Variants in ARHGAP19 observed in about 807,000 individuals in gnomAD.
ARHGAP19 encodes rho GTPase-activating protein 19.
A neutral mutation model predicts 60.9 loss-of-function variants in ARHGAP19; 48 were observed. That is an observed-to-expected ratio of 0.79 (90% CI 0.62 to 1.00). The LOEUF (loss-of-function observed/expected upper bound fraction) is 1.00. Among genes scored for constraint, ARHGAP19 ranks in the 50% least tolerant of loss-of-function variants. The probability of loss-of-function intolerance (pLI) is 0.00; values close to 1 mark genes in which losing one functional copy is unlikely to be tolerated. For synonymous variants in ARHGAP19, 209 were observed against 215.5 expected (o/e 0.97, Z 0.27); for missense variants, 562 against 597.2 (o/e 0.94, Z 0.61).
At chr10:97,285,740 G>C (rs913646665) in intron 1 of ARHGAP19, among the ~76,000 whole-genome samples, 2 of 151,676 alleles carry the variant, frequency 1.3e-5, no homozygotes, top group African/African-American at 4.8e-5. Flanking sequence ...GGCTAGTCTC[G>C]AACTCCTGAC....
Position 97,284,929 on chromosome 10 carries a change from T to C in ARHGAP19, c.56+7643A>G, listed in dbSNP as rs1192044519. Among the ~76,000 whole-genome samples the C allele has an allele frequency of 2.7e-5, 4 of 150,108 alleles. No individual in the cohort carries two copies. In the Admixed American group the frequency reaches 2.7e-4, roughly 10 times the overall value. On this transcript the variant is annotated intron_variant, in intron 1 of 11. Transcript: ENST00000358531. ...CCCAGGCTGGAGTGCAATGGTGTGA[T>C]CTTAGCTCACCACAACCTCCGCCTC...
intron 4 of ARHGAP19, among the ~76,000 whole-genome samples, chr10:97,260,486 T>C (rs1022023239): frequency 1.3e-5 from 2 of 151,620 alleles, no homozygotes; most frequent in South Asian, 2.1e-4. Context: ...GCCGAGATCA[T>C]GCCCCTGCAC....
intron 1 of ARHGAP19, among the ~76,000 whole-genome samples, chr10:97,266,490 T>TA (rs928929985): frequency 2.0e-5 from 3 of 152,184 alleles, no homozygotes; most frequent in Non-Finnish European, 2.9e-5. Context: ...TCTCCACTCT[T>TA]ACATTACATT....
At chr10:97,268,507 C>G (rs1371314335) in intron 1 of ARHGAP19, among the ~76,000 whole-genome samples, 1 of 152,138 alleles carries the variant, frequency 6.6e-6, no homozygotes, top group Non-Finnish European at 1.5e-5. Flanking sequence ...ATACCAGAGA[C>G]TCGGTAATTT....
chr10:97,292,476 AG>A, intron 1 of ARHGAP19, 95 bp downstream of exon 1: 2 of 1,473,322 alleles, frequency 1.4e-6, no homozygotes, highest in Non-Finnish European at 1.9e-6. Context: ...AAAGAAACAA[AG>A]CCCGAACCGT....
rs943638514 is a variant in ARHGAP19 at position 97,223,910 on chromosome 10, G to A, written c.*2212C>T. On this transcript the variant is annotated 3_prime_UTR_variant, in exon 12 of 12. Transcript: ENST00000358531. Reference sequence around the variant, plus strand: ...AAAAATGACCTATAAAACCCCTAAAGCAAGGGAAAACATATTCAATAAATA... The same window carrying A: ...AAAAATGACCTATAAAACCCCTAAAACAAGGGAAAACATATTCAATAAATA... The A allele has an allele frequency of 6.6e-6, 1 of 152,098 alleles. No individual in the cohort carries two copies. Among genetic ancestry groups the A allele is most frequent in the Admixed American group, 6.6e-5 (1 of 15,254 alleles). 9.4% of individuals were successfully genotyped at this position (152,098 alleles called of 1,614,324 possible). A position where few individuals can be genotyped will look rare whatever the true frequency, so the allele number is the denominator to read the frequency against.
chr10:97,228,146 ATAAG>A (rs1162431660), intron 11 of ARHGAP19, among the ~76,000 whole-genome samples: 3 of 152,256 alleles, frequency 2.0e-5, no homozygotes, highest in African/African-American at 7.2e-5. Flanking sequence ...TCATTCAAGG[ATAAG>A]TAAGAAGAAT....
At chr10:97,287,402 C>T (rs12358777) in intron 1 of ARHGAP19, among the ~76,000 whole-genome samples, 6,083 of 152,256 alleles carry the variant, frequency 0.04, 202 homozygotes, top group Non-Finnish European at 0.061. Context: ...ATCAACAGGT[C>T]AAAAACATAA....
intron 11 of ARHGAP19, among the ~76,000 whole-genome samples, chr10:97,228,429 A>C (rs781224639): frequency 2.0e-5 from 3 of 152,248 alleles, no homozygotes; most frequent in Admixed American, 6.5e-5. Flanking sequence ...GAGCCTCATA[A>C]TAAATTAATA....
intron 5 of ARHGAP19, among the ~76,000 whole-genome samples, chr10:97,257,792 A>G (rs2134874420): frequency 7.3e-6 from 1 of 137,088 alleles, no homozygotes; most frequent in South Asian, 2.5e-4. Flanking sequence ...TTTTAAGTAA[A>G]ATGTTTCACA....
Position 97,246,253 on chromosome 10 carries a change from A to G in ARHGAP19, c.993+19T>C. The G allele has an allele frequency of 6.2e-7, 1 of 1,605,984 alleles. No individual in the cohort carries two copies. Among genetic ancestry groups the G allele is most frequent in the Non-Finnish European group, 8.5e-7 (1 of 1,172,778 alleles). The stretch of plus-strand genomic sequence containing the variant: ...TAATGCTCTCCTTGTTTGGGTTAAG[A>G]GCAGATTCCTATTCTTACCTTTGAT... On this transcript the variant is annotated intron_variant, in intron 7 of 11. Transcript: ENST00000358531.
chr10:97,251,326 G>C, intron 6 of ARHGAP19, among the ~76,000 whole-genome samples: 1 of 52,826 alleles, frequency 1.9e-5, no homozygotes, highest in Admixed American at 1.7e-4. Flanking sequence ...GGAAGGGAAG[G>C]GGAAAGGGAA....
intron 1 of ARHGAP19, among the ~76,000 whole-genome samples, chr10:97,266,900 G>A (rs561355937): frequency 1.3e-4 from 20 of 152,190 alleles, no homozygotes; most frequent in Non-Finnish European, 2.6e-4. Flanking sequence ...AATTCAAAAT[G>A]AGATTTGGGT....
At chr10:97,253,295 T>C (rs375933798) in intron 6 of ARHGAP19, among the ~76,000 whole-genome samples, 216 of 151,516 alleles carry the variant, frequency 1.4e-3, no homozygotes, top group African/African-American at 5.1e-3. Context: ...GGAGAATCGC[T>C]TGAACCCAGG....
intron 6 of ARHGAP19, among the ~76,000 whole-genome samples, chr10:97,250,978 G>A (rs1842636106): frequency 6.6e-6 from 1 of 151,266 alleles, no homozygotes; most frequent in South Asian, 2.1e-4. Context: ...TGGGAGGATC[G>A]CTTGAGCCTG....
At chr10:97,238,722 C>A (rs1205565015) in intron 8 of ARHGAP19, among the ~76,000 whole-genome samples, 2 of 151,926 alleles carry the variant, frequency 1.3e-5, no homozygotes, top group South Asian at 4.2e-4. Context: ...TTACAGTAAG[C>A]TAAAGGTAAT....
In ARHGAP19 at chr10:97,238,083, G is replaced by A. The variant is rs574434819; in HGVS notation, c.1186-2768C>T. On this transcript the variant is annotated intron_variant, in intron 8 of 11. Transcript: ENST00000358531. ...GGCATTGTTATCATAGGAGATGACAGCTCCATGAGTGATATTGCCTCTGAA... is the reference window on the plus strand; with the variant it reads ...GGCATTGTTATCATAGGAGATGACAACTCCATGAGTGATATTGCCTCTGAA... Among the ~76,000 whole-genome samples, 13 of 152,252 alleles carry A rather than the reference G, an allele frequency of 8.5e-5. No individual in the cohort carries two copies. The South Asian group carries it at 2.7e-3, about 32-fold the overall frequency.
intron 9 of ARHGAP19, among the ~76,000 whole-genome samples, chr10:97,231,101 A>G (rs1163744701): frequency 6.7e-6 from 1 of 148,712 alleles, no homozygotes; most frequent in East Asian, 2.0e-4. Context: ...ACTAACACAT[A>G]GAGGAACATT....
chr10:97,285,824 C>A (rs1843147893), intron 1 of ARHGAP19, among the ~76,000 whole-genome samples: 3 of 152,204 alleles, frequency 2.0e-5, no homozygotes, highest in South Asian at 2.1e-4. Context: ...TTGGCCTAAG[C>A]CAAATGTAAT....
Sources: allele counts gnomAD v4.1 joint callset (sites outside exome capture counted in the v4.1 genomes callset), GRCh38; gene constraint gnomAD v4.1.1; transcripts MANE v1.5; gene names NCBI Gene and HGNC (gene_info 2026-07-23, HGNC 2026-07-21).